The following BMPR1A variants were observed in gnomAD, a reference collection of about 807,000 sequenced individuals.
BMPR1A encodes the protein bone morphogenetic protein receptor type-1A.
Under a neutral mutation model 66.0 loss-of-function variants are expected in BMPR1A, and 7 were observed. The observed-to-expected ratio is 0.11, with a 90% confidence interval of 0.06 to 0.20. BMPR1A has a LOEUF of 0.20. Ranked by LOEUF, BMPR1A falls within the 10% of genes least tolerant of loss-of-function variation. The pLI, the probability that BMPR1A is intolerant of heterozygous loss-of-function variation, is 1.00. For synonymous variants in BMPR1A, 200 were observed against 229.7 expected, an observed-to-expected ratio of 0.87 and a Z score of 1.17; for missense variants, 408 against 669.1, an observed-to-expected ratio of 0.61 and a Z score of 4.31.
chr10:86,918,073 G>A (rs1843604179), intron 9 of BMPR1A, among the ~76,000 whole-genome samples: 1 of 152,106 alleles, frequency 6.6e-6, no homozygotes, highest in Admixed American at 6.6e-5. Flanking sequence ...AATTTTTGGT[G>A]TTCCTTGGCT....
chr10:86,794,873 G>T (rs1015736912), intron 1 of BMPR1A, among the ~76,000 whole-genome samples: 1 of 149,240 alleles, frequency 6.7e-6, no homozygotes, highest in Admixed American at 6.7e-5. Context: ...TTTTTAGATA[G>T]AGAGTTTCGC....
intron 1 of BMPR1A, among the ~76,000 whole-genome samples, chr10:86,807,520 A>G (rs1270594107): frequency 6.6e-6 from 1 of 152,092 alleles, no homozygotes; most frequent in African/African-American, 2.4e-5. Flanking sequence ...AGCTGGGGTT[A>G]CAGATGTATG....
chr10:86,845,947 A>C (rs896052629), intron 2 of BMPR1A, among the ~76,000 whole-genome samples: 1 of 151,968 alleles, frequency 6.6e-6, no homozygotes, highest in African/African-American at 2.4e-5. Flanking sequence ...CAGTGAGCCA[A>C]GATCGTGCCA....
rs1249662627 is a variant in BMPR1A at position 86,912,443 on chromosome 10, A to G, written c.675+59A>G. The G allele has an allele frequency of 2.5e-6, 4 of 1,569,914 alleles. No individual in the cohort carries two copies. The South Asian group carries it at 3.3e-5, about 13-fold the overall frequency. ...TGTTGATTTAGAATGTGTCCTCATG[A>G]TGGTGGACAGTATAATTATTGCAGA... On this transcript the variant is annotated intron_variant, in intron 8 of 12. Transcript: ENST00000372037.
chr10:86,888,309 T>C (rs1843098157), intron 3 of BMPR1A, among the ~76,000 whole-genome samples: 1 of 151,654 alleles, frequency 6.6e-6, no homozygotes, highest in South Asian at 2.1e-4. Flanking sequence ...ACCAACAAAA[T>C]ACAAAAAAAT....
intron 11 of BMPR1A, among the ~76,000 whole-genome samples, chr10:86,922,317 G>A (rs1477919904): frequency 6.6e-6 from 1 of 152,174 alleles, no homozygotes; most frequent in East Asian, 1.9e-4. Context: ...TGGTCACTTA[G>A]GTTGCTTCCA....
intron 7 of BMPR1A, among the ~76,000 whole-genome samples, chr10:86,909,894 G>A (rs1843452273): frequency 6.6e-6 from 1 of 152,140 alleles, no homozygotes; most frequent in Admixed American, 6.5e-5. Flanking sequence ...CTCATATGTT[G>A]GTGGAGGGAT....
intron 1 of BMPR1A, among the ~76,000 whole-genome samples, chr10:86,780,580 G>A (rs1435168219): frequency 1.7e-4 from 26 of 151,872 alleles, no homozygotes; most frequent in Admixed American, 1.3e-4. Context: ...GATTACAGGC[G>A]TGCACCACCA....
chr10:86,759,212 C>T (rs569889431), intron 1 of BMPR1A, among the ~76,000 whole-genome samples: 19 of 152,280 alleles, frequency 1.2e-4, no homozygotes, highest in African/African-American at 4.3e-4. Context: ...CCTTTTGTGA[C>T]ATTATACTGA....
rs185779085 is a variant in BMPR1A, at chr10:86,817,780, A to G, written c.-267-21085A>G. ...GCTTCACTGGTGAATTCTACCAAACATTTAAGGAAAAACTAATACCATTCT... is the reference window on the plus strand; with the variant it reads ...GCTTCACTGGTGAATTCTACCAAACGTTTAAGGAAAAACTAATACCATTCT... On this transcript the variant is annotated intron_variant, in intron 1 of 12. Transcript: ENST00000372037. 3.4e-3 allele frequency among the ~76,000 whole-genome samples: 525 copies of G among 152,332 alleles called. 8 individuals are homozygous for G. The highest frequency in any genetic ancestry group is 0.012 in the African/African-American group (496 of 41,584).
chr10:86,829,436 T>C (rs1277675415), intron 1 of BMPR1A, among the ~76,000 whole-genome samples: 1 of 152,198 alleles, frequency 6.6e-6, no homozygotes, highest in African/African-American at 2.4e-5. Context: ...AACTTCTTAC[T>C]ACCCACAGCA....
chr10:86,860,786 A>T (rs931342979), intron 2 of BMPR1A, among the ~76,000 whole-genome samples: 2 of 149,184 alleles, frequency 1.3e-5, no homozygotes, highest in African/African-American at 4.9e-5. Context: ...AAAAAAAAAG[A>T]TGCTAAAAGG....
rs563441386 is a variant in BMPR1A at position 86,918,599 on chromosome 10, A to C, written c.869-573A>C. 1.3e-3 allele frequency among the ~76,000 whole-genome samples: 195 copies of C among 150,472 alleles called. 4 individuals are homozygous for C. In the South Asian group the frequency reaches 0.039, roughly 30 times the overall value. ...CTCCAGGTTATTTGTATAATATGTC[A>C]TCTTTTTCTTTTCTTTCCTTTTCTT... On this transcript the variant is annotated intron_variant, in intron 9 of 12. Coordinates refer to ENST00000372037, the MANE Select transcript of BMPR1A (RefSeq NM_004329.3).
At chr10:86,799,910 A>G (rs924002804) in intron 1 of BMPR1A, among the ~76,000 whole-genome samples, 1 of 152,196 alleles carries the variant, frequency 6.6e-6, no homozygotes, top group African/African-American at 2.4e-5. Context: ...GAGATGTTTA[A>G]TGGCAGTTGT....
At chr10:86,886,544 GAGTTC>G (rs1843068706) in intron 3 of BMPR1A, among the ~76,000 whole-genome samples, 1 of 152,178 alleles carries the variant, frequency 6.6e-6, no homozygotes, top group Non-Finnish European at 1.5e-5. Flanking sequence ...GGCAAATCAA[GAGTTC>G]ATTTAAGACA....
At chr10:86,888,610 T>G (rs1016522838) in intron 3 of BMPR1A, among the ~76,000 whole-genome samples, 2 of 152,072 alleles carry the variant, frequency 1.3e-5, no homozygotes, top group Admixed American at 6.5e-5. Flanking sequence ...GAGGATCGCT[T>G]GAGCCCAGGA....
chr10:86,825,896 TACTAAC>T (rs1842186791), intron 1 of BMPR1A, among the ~76,000 whole-genome samples: 1 of 152,244 alleles, frequency 6.6e-6, no homozygotes, highest in African/African-American at 2.4e-5. Flanking sequence ...AGCTCTGTCA[TACTAAC>T]ACTGTTTATT....
chr10:86,778,172 C>T (rs1373783799), intron 1 of BMPR1A, among the ~76,000 whole-genome samples: 2 of 151,768 alleles, frequency 1.3e-5, no homozygotes, highest in Non-Finnish European at 2.9e-5. Context: ...CCCAGGATAG[C>T]TTCGAATACA....
chr10:86,848,449 T>A lies in BMPR1A; in HGVS notation c.-153+9470T>A, dbSNP rs1051474979. Among the ~76,000 whole-genome samples the A allele has an allele frequency of 2.0e-5, 3 of 152,144 alleles. No homozygotes were observed. The South Asian group carries it at 6.2e-4, about 32-fold the overall frequency. On this transcript the variant is annotated intron_variant, in intron 2 of 12. Coordinates refer to ENST00000372037, the MANE Select transcript of BMPR1A (RefSeq NM_004329.3). ...TAGGCCTCCTTGTACTTCGTATTAT[T>A]TATTTGTTCTTTATTTTTGTGCTTA... is the stretch of plus-strand genomic sequence containing the variant.
Sources: gnomAD v4.1 joint callset for allele counts (sites outside exome capture counted in the v4.1 genomes callset) on GRCh38, gnomAD v4.1.1 for gene constraint, MANE v1.5 for transcripts, NCBI Gene and HGNC (gene_info 2026-07-23, HGNC 2026-07-21) for gene names.